The following BMPR1B variants were observed in gnomAD, a reference collection of about 807,000 sequenced individuals.
BMPR1B encodes the protein bone morphogenetic protein receptor type 1B, also known as bone morphogenetic protein receptor type-1B.
Under a neutral mutation model 59.1 loss-of-function variants are expected in BMPR1B, and 12 were observed. That is an observed-to-expected ratio of 0.20 (90% CI 0.13 to 0.33). The LOEUF is 0.33. Among genes scored for constraint, BMPR1B ranks in the 10% least tolerant of loss-of-function variants. The pLI is 1.00. For missense variants in BMPR1B, 550 were observed against 610.9 expected (o/e 0.90, Z 1.05); for synonymous variants, 237 against 207.3 (o/e 1.14, Z -1.23).
chr4:94,969,312 G>A (rs1730684349), intron 2 of BMPR1B, among the ~76,000 whole-genome samples: 2 of 152,162 alleles, frequency 1.3e-5, no homozygotes, highest in Admixed American at 1.3e-4. Flanking sequence ...TGGGATCACA[G>A]CTGTGAGCCA....
chr4:94,786,123 T>C (rs1722754822), intron 1 of BMPR1B, among the ~76,000 whole-genome samples: 1 of 152,210 alleles, frequency 6.6e-6, no homozygotes, highest in African/African-American at 2.4e-5. Context: ...ATTCGGGTAT[T>C]ATGGAAACAT....
Position 95,104,572 on chromosome 4 carries a change from G to T in BMPR1B, c.143+5G>T. The T allele has an allele frequency of 1.2e-6, 2 of 1,613,202 alleles. No individual in the cohort carries two copies. Among genetic ancestry groups the T allele is most frequent in the South Asian group, 1.1e-5 (1 of 91,054 alleles). Reference sequence around the variant, plus strand: ...CTCAGTCAACAATATTTGCAGGTTGGTGATATAAATGATTTAAAGCTAGCT... The same window carrying T: ...CTCAGTCAACAATATTTGCAGGTTGTTGATATAAATGATTTAAAGCTAGCT... On this transcript the variant is annotated splice_donor_5th_base_variant and intron_variant, in intron 4 of 12. Coordinates refer to ENST00000515059, the MANE Select transcript of BMPR1B (RefSeq NM_001203.3).
chr4:94,993,760 CAAAAAAAAAAAA>C (rs34395946), intron 2 of BMPR1B, among the ~76,000 whole-genome samples: 1 of 68,590 alleles, frequency 1.5e-5, no homozygotes, highest in African/African-American at 5.3e-5. Context: ...GACTCCATCT[CAAAAAAAAAAAA>C]AAAAAAAAAA....
chr4:95,119,782 T>C (rs566973269), intron 6 of BMPR1B, among the ~76,000 whole-genome samples: 4 of 152,320 alleles, frequency 2.6e-5, no homozygotes, highest in South Asian at 4.1e-4. Flanking sequence ...CATATATATT[T>C]TAGACTGATG....
intron 1 of BMPR1B, among the ~76,000 whole-genome samples, chr4:94,858,300 G>T (rs1173388114): frequency 1.3e-5 from 2 of 152,114 alleles, no homozygotes; most frequent in African/African-American, 2.4e-5. Flanking sequence ...TTTTATGCTT[G>T]TATGTAACTC....
intron 1 of BMPR1B, among the ~76,000 whole-genome samples, chr4:94,767,167 A>C (rs1722002165): frequency 6.6e-6 from 1 of 152,312 alleles, no homozygotes; most frequent in South Asian, 2.1e-4. Flanking sequence ...AATTTATATA[A>C]TGTTGAGATG....
intron 1 of BMPR1B, among the ~76,000 whole-genome samples, chr4:94,860,261 A>T (rs1725926770): frequency 6.6e-6 from 1 of 152,172 alleles, no homozygotes. Flanking sequence ...TGAAAATTGG[A>T]TGATATATGC....
chr4:94,781,298 G>A (rs1722581689), intron 1 of BMPR1B, among the ~76,000 whole-genome samples: 1 of 152,026 alleles, frequency 6.6e-6, no homozygotes, highest in Admixed American at 6.6e-5. Flanking sequence ...TTTCCAGATG[G>A]TGTCCATGGA....
intron 1 of BMPR1B, among the ~76,000 whole-genome samples, chr4:94,759,942 GT>G (rs1721695560): frequency 6.6e-6 from 1 of 152,122 alleles, no homozygotes. Flanking sequence ...ATGTACCTTT[GT>G]GTTTAGCAAA....
At chr4:94,929,451 A>C (rs553404517) in intron 2 of BMPR1B, among the ~76,000 whole-genome samples, 1 of 152,152 alleles carries the variant, frequency 6.6e-6, no homozygotes, top group South Asian at 2.1e-4. Context: ...CTTCTTTGCA[A>C]AATTTAAGGG....
At chr4:94,935,025 C>T (rs973585324) in intron 2 of BMPR1B, among the ~76,000 whole-genome samples, 2 of 152,028 alleles carry the variant, frequency 1.3e-5, no homozygotes, top group African/African-American at 4.8e-5. Flanking sequence ...AAAATATGAA[C>T]TTGAAACTTG....
chr4:95,136,170 A>G (rs1415674704), intron 10 of BMPR1B, among the ~76,000 whole-genome samples: 1 of 152,110 alleles, frequency 6.6e-6, no homozygotes, highest in Non-Finnish European at 1.5e-5. Flanking sequence ...TACCAACCAA[A>G]AAAAGTCCAG....
intron 1 of BMPR1B, among the ~76,000 whole-genome samples, chr4:94,765,193 G>C (rs1721923013): frequency 6.6e-6 from 1 of 152,038 alleles, no homozygotes; most frequent in African/African-American, 2.4e-5. Context: ...AAAATAAAGT[G>C]CTTTATACTA....
Position 94,758,041 on chromosome 4 carries a change from G to A in BMPR1B, c.-210G>A, listed in dbSNP as rs1188798974. 1 of 148,154 alleles carries A rather than the reference G, an allele frequency of 6.7e-6. No homozygotes were observed. Among genetic ancestry groups the A allele is most frequent in the East Asian group, 2.0e-4 (1 of 5,086 alleles). 9.2% of individuals were successfully genotyped at this position (148,154 alleles called of 1,614,324 possible). On this transcript the variant is annotated 5_prime_UTR_variant, in exon 1 of 13. Coordinates refer to ENST00000515059, the MANE Select transcript of BMPR1B (RefSeq NM_001203.3). ...GCAGTGCGGAGACCGCGGCGCTGAGGACGCGGGAGCCGGGAGCGCAGCCGC... is the reference window on the plus strand; with the variant it reads ...GCAGTGCGGAGACCGCGGCGCTGAGAACGCGGGAGCCGGGAGCGCAGCCGC...
Position 95,116,421 on chromosome 4 carries a change from G to GCGCGCGCGCACACACACACA in BMPR1B, c.349+635_349+636insGCGCGCGCACACACACACAC. 7.8e-4 allele frequency among the ~76,000 whole-genome samples: 96 copies of GCGCGCGCGCACACACACACA among 123,242 alleles called. 1 individual carries two copies. Among genetic ancestry groups the GCGCGCGCGCACACACACACA allele is most frequent in the Middle Eastern group, 4.4e-3 (1 of 228 alleles). 80.9% of individuals were successfully genotyped at this position (123,242 alleles called of 152,430 possible). ...CTCCTCCTCCATGCTTTCAGCGCGC[G>GCGCGCGCGCACACACACACA]CACACACACACACACACACACACAC... On this transcript the variant is annotated intron_variant, in intron 6 of 12. Coordinates refer to ENST00000515059, the MANE Select transcript of BMPR1B (RefSeq NM_001203.3).
chr4:94,865,324 T>C (rs1195926852), intron 1 of BMPR1B, among the ~76,000 whole-genome samples: 2 of 151,182 alleles, frequency 1.3e-5, no homozygotes, highest in African/African-American at 4.9e-5. Flanking sequence ...AATAAATGTA[T>C]ACTTTAATCT....
chr4:94,972,503 T>C (rs886736346), intron 2 of BMPR1B, among the ~76,000 whole-genome samples: 1 of 152,180 alleles, frequency 6.6e-6, no homozygotes, highest in Non-Finnish European at 1.5e-5. Context: ...TATTATATTG[T>C]ATGTGTTTCT....
chr4:95,022,687 T>C (rs1724080887), intron 3 of BMPR1B, among the ~76,000 whole-genome samples: 1 of 152,228 alleles, frequency 6.6e-6, no homozygotes, highest in East Asian at 1.9e-4. Context: ...TGTGTACCCA[T>C]AGAGTTCATT....
At chr4:95,150,759 T>TA (rs1284073869) in intron 11 of BMPR1B, among the ~76,000 whole-genome samples, 1 of 152,176 alleles carries the variant, frequency 6.6e-6, no homozygotes, top group African/African-American at 2.4e-5. Context: ...AGATTTGCTA[T>TA]AATGTTGCCT....
Sources: allele counts gnomAD v4.1 joint callset (sites outside exome capture counted in the v4.1 genomes callset), GRCh38; gene constraint gnomAD v4.1.1; transcripts MANE v1.5; gene names NCBI Gene and HGNC (gene_info 2026-07-23, HGNC 2026-07-21).